TOX: variants seen among roughly 807,000 people sequenced by gnomAD.
The protein encoded by TOX is thymocyte selection associated high mobility group box.
Under a neutral mutation model 53.7 loss-of-function variants are expected in TOX, and 11 were observed. That is an observed-to-expected ratio of 0.20 (90% CI 0.13 to 0.34). The LOEUF (loss-of-function observed/expected upper bound fraction) is 0.34. Ranked by LOEUF, TOX falls within the 10% of genes least tolerant of loss-of-function variation. The pLI is 1.00. For missense variants in TOX, 570 were observed against 664.6 expected (o/e 0.86, Z 1.56); for synonymous variants, 225 against 245.3 (o/e 0.92, Z 0.77).
intron 3 of TOX, among the ~76,000 whole-genome samples, chr8:58,878,859 G>A (rs1292836216): frequency 6.6e-6 from 1 of 151,910 alleles, no homozygotes; most frequent in Non-Finnish European, 1.5e-5. Flanking sequence ...TCAGGAGTTC[G>A]AGACCAGCCC....
intron 2 of TOX, among the ~76,000 whole-genome samples, chr8:58,939,918 C>T (rs1451154075): frequency 2.0e-5 from 3 of 152,154 alleles, no homozygotes; most frequent in East Asian, 1.9e-4. Context: ...ACATGTTTCA[C>T]GGGGCTCCCT....
chr8:58,896,037 T>C (rs1023842105), intron 3 of TOX, among the ~76,000 whole-genome samples: 1 of 152,204 alleles, frequency 6.6e-6, no homozygotes, highest in Non-Finnish European at 1.5e-5. Context: ...TATCAGACTT[T>C]TAGTTCTCTC....
intron 4 of TOX, among the ~76,000 whole-genome samples, chr8:58,839,810 AAAT>A (rs1411203893): frequency 6.6e-6 from 1 of 152,224 alleles, no homozygotes; most frequent in African/African-American, 2.4e-5. Context: ...TATTTGTGTA[AAAT>A]AACTGCCACC....
chr8:59,092,887 C>A (rs1804650143), intron 1 of TOX, among the ~76,000 whole-genome samples: 1 of 152,150 alleles, frequency 6.6e-6, no homozygotes, highest in South Asian at 2.1e-4. Flanking sequence ...GTGCCTAGAA[C>A]AGAGTAAGTG....
chr8:58,913,761 T>C (rs931515458), intron 3 of TOX, among the ~76,000 whole-genome samples: 3 of 150,544 alleles, frequency 2.0e-5, no homozygotes, highest in Non-Finnish European at 4.4e-5. Flanking sequence ...AAGAATGTTT[T>C]ATAAAGCTCT....
At chr8:58,890,433 A>T (rs1249676753) in intron 3 of TOX, among the ~76,000 whole-genome samples, 1 of 152,180 alleles carries the variant, frequency 6.6e-6, no homozygotes, top group Non-Finnish European at 1.5e-5. Flanking sequence ...TTCCAAGTCA[A>T]ATTAATTTCA....
At chr8:58,937,522 A>T (rs1335663776) in intron 3 of TOX, among the ~76,000 whole-genome samples, 1 of 152,206 alleles carries the variant, frequency 6.6e-6, no homozygotes, top group Admixed American at 6.5e-5. Context: ...CATGGGCAGC[A>T]AATCTGGAAA....
chr8:59,046,451 G>C (rs1187298413), intron 1 of TOX, among the ~76,000 whole-genome samples: 2 of 152,128 alleles, frequency 1.3e-5, no homozygotes, highest in South Asian at 4.1e-4. Context: ...CAATTTCAGA[G>C]AACTAAATAA....
intron 1 of TOX, among the ~76,000 whole-genome samples, chr8:59,041,312 TCCC>T (rs549106287): frequency 6.6e-6 from 1 of 151,946 alleles, no homozygotes; most frequent in Admixed American, 6.6e-5. Flanking sequence ...CTTCTTTCAC[TCCC>T]CCATCCTGAG....
chr8:58,891,088 A>G (rs1811552370), intron 3 of TOX, among the ~76,000 whole-genome samples: 1 of 152,088 alleles, frequency 6.6e-6, no homozygotes, highest in South Asian at 2.1e-4. Flanking sequence ...CAAAGAAGGA[A>G]AAGGGCAGGC....
At position 58,826,731 on chromosome 8, in the gene TOX, G is replaced by A. The variant is rs117454304; in HGVS notation, c.1005+91C>T. The A allele has an allele frequency of 4.4e-3, 4,798 of 1,098,492 alleles. 16 individuals are homozygous for A. The highest frequency in any genetic ancestry group is 5.3e-3 in the Non-Finnish European group (4,150 of 779,998). 68.0% of individuals were successfully genotyped at this position (1,098,492 alleles called of 1,614,324 possible). On this transcript the variant is annotated intron_variant, in intron 6 of 8. Coordinates refer to ENST00000361421, the MANE Select transcript of TOX (RefSeq NM_014729.3). ...CCAACAAAGAAGATTGTGCAGAATC[G>A]TTAAAGTGATCTTTTATGCCTTTAA... is the stretch of plus-strand genomic sequence containing the variant.
intron 1 of TOX, among the ~76,000 whole-genome samples, chr8:59,053,785 A>T (rs1024009310): frequency 6.6e-6 from 1 of 152,160 alleles, no homozygotes; most frequent in Non-Finnish European, 1.5e-5. Context: ...TTTAAAAGGG[A>T]AAAAAAGGAG....
chr8:59,105,598 G>A (rs1004547478), intron 1 of TOX, among the ~76,000 whole-genome samples: 5 of 152,214 alleles, frequency 3.3e-5, no homozygotes, highest in African/African-American at 1.2e-4. Context: ...GTTCTAAAAT[G>A]AGTTGAGATA....
Position 58,807,185 on chromosome 8 carries a change from G to A in TOX, c.*562C>T. On this transcript the variant is annotated 3_prime_UTR_variant, in exon 9 of 9. Transcript: ENST00000361421. ...TTTGAAAATATAGAACTATCAGTCA[G>A]TTGTTTTAAAAATGAAGTAAAAATA... 6.6e-6 allele frequency: 1 copy of A among 152,520 alleles called. No homozygotes were observed. Among genetic ancestry groups the A allele is most frequent in the East Asian group, 1.9e-4 (1 of 5,198 alleles). The allele number at this position is 152,520 out of a possible 1,614,324, so 9.4% of individuals were successfully genotyped here. A position where few individuals can be genotyped will look rare whatever the true frequency, so the allele number is the denominator to read the frequency against.
intron 2 of TOX, among the ~76,000 whole-genome samples, chr8:58,944,978 C>A (rs989355416): frequency 6.6e-6 from 1 of 152,164 alleles, no homozygotes; most frequent in Non-Finnish European, 1.5e-5. Context: ...TAGGTTAAGG[C>A]TTCACCTTTA....
intron 1 of TOX, among the ~76,000 whole-genome samples, chr8:59,061,105 C>T (rs200869741): frequency 3.9e-5 from 6 of 151,938 alleles, no homozygotes; most frequent in Non-Finnish European, 7.4e-5. Flanking sequence ...AGAGATTGTA[C>T]GGTAAAAATG....
intron 7 of TOX, among the ~76,000 whole-genome samples, chr8:58,813,844 A>G (rs1249295761): frequency 6.6e-6 from 1 of 152,188 alleles, no homozygotes; most frequent in Non-Finnish European, 1.5e-5. Flanking sequence ...GATCCTTTGA[A>G]TTCTTAGGAG....
intron 2 of TOX, among the ~76,000 whole-genome samples, chr8:58,953,187 T>C (rs1375485070): frequency 6.6e-6 from 1 of 152,082 alleles, no homozygotes; most frequent in East Asian, 1.9e-4. Context: ...ACAACATCAA[T>C]GTGGTTGGCC....
chr8:58,881,111 T>G (rs1811376848), intron 3 of TOX, among the ~76,000 whole-genome samples: 2 of 151,908 alleles, frequency 1.3e-5, no homozygotes, highest in South Asian at 4.2e-4. Flanking sequence ...AGAATGTGGA[T>G]CCACAAACTT....
Sources: allele counts gnomAD v4.1 joint callset (sites outside exome capture counted in the v4.1 genomes callset), GRCh38; gene constraint gnomAD v4.1.1; transcripts MANE v1.5; gene names NCBI Gene and HGNC (gene_info 2026-07-23, HGNC 2026-07-21).